Variants in C2CD4B observed in about 807,000 individuals in gnomAD.
C2CD4B encodes the protein C2 calcium-dependent domain-containing protein 4B.
For synonymous variants in C2CD4B, 347 were observed against 284.9 expected (o/e 1.22, Z -2.20); for missense variants, 644 against 577.7 (o/e 1.11, Z -1.18).
At position 62,165,043 on chromosome 15, in the gene C2CD4B, G is replaced by T. The variant is rs1476272709; in HGVS notation, c.-40-19C>A. ...GGTGCGCCTGCGGGGGAGAGAAGCT[G>T]CTGAGTTTGGGCGCCTGGAGCTGCT... is the stretch of plus-strand genomic sequence containing the variant. On this transcript the variant is annotated intron_variant, in intron 1 of 1. Transcript: ENST00000380392. 2 of 1,452,274 alleles carry T rather than the reference G, an allele frequency of 1.4e-6. No homozygotes were observed. Among genetic ancestry groups the T allele is most frequent in the African/African-American group, 1.5e-5 (1 of 67,776 alleles). 90.0% of individuals were successfully genotyped at this position (1,452,274 alleles called of 1,614,324 possible). A position where few individuals can be genotyped will look rare whatever the true frequency, so the allele number is the denominator to read the frequency against.
At position 62,163,568 on chromosome 15, in the gene C2CD4B, CTG is replaced by C. The variant is rs959850041; in HGVS notation, c.*320_*321del. 33 of 300,546 alleles carry C rather than the reference CTG, an allele frequency of 1.1e-4. No individual in the cohort carries two copies. Among genetic ancestry groups the C allele is most frequent in the Middle Eastern group, 8.8e-4 (1 of 1,138 alleles). 18.6% of individuals were successfully genotyped at this position (300,546 alleles called of 1,614,324 possible). On this transcript the variant is annotated 3_prime_UTR_variant, in exon 2 of 2. Transcript: ENST00000380392. ...AATAACTTGCTTTATTAAAAAAAAA[CTG>C]TAACATTGATAGAAAACCGGAAGGA...
Position 62,164,136 on chromosome 15 carries a change from G to GC in C2CD4B, c.848dup (p.Ala284ArgfsTer33). 6.9e-7 allele frequency: 1 copy of GC among 1,459,688 alleles called. No homozygotes were observed. The allele number at this position is 1,459,688 out of a possible 1,614,324, so 90.4% of individuals were successfully genotyped here. On this transcript the variant is annotated frameshift_variant, in exon 2 of 2. Coordinates refer to ENST00000380392, the MANE Select transcript of C2CD4B (RefSeq NM_001007595.3). LOFTEE classifies it low-confidence loss of function (END_TRUNC). ...CGAGGCTGAGGCGGCAGCGGACGGCGCGGGGCCCGGGGGCGCCTCCGAACA... is the reference window on the plus strand; with the variant it reads ...CGAGGCTGAGGCGGCAGCGGACGGCGCCGGGGCCCGGGGGCGCCTCCGAACA...
At position 62,164,196 on chromosome 15, in the gene C2CD4B, C is replaced by G. The variant is rs895479004; in HGVS notation, c.789G>C (p.Arg263=). ...CGCGGAGCAGCCGGAGGCGGAGACG[C>G]CGGGTTCCCGGACAGTACTCAGCAG... ...RLAAEYCPGT[R]RLRLRLLRAE... is the part of the protein sequence containing the mutation. The change falls in exon 2 of 2, where the codon CGG becomes CGC. Residue 263 remains arginine, a synonymous_variant. Transcript: ENST00000380392. 6.8e-7 allele frequency: 1 copy of G among 1,478,120 alleles called. No homozygotes were observed. The highest frequency in any genetic ancestry group is 8.9e-7 in the Non-Finnish European group (1 of 1,123,356). The allele number at this position is 1,478,120 out of a possible 1,614,324, so 91.6% of individuals were successfully genotyped here.
rs999454937 is a variant in C2CD4B, at chr15:62,164,859, A to C, written c.126T>G (p.Pro42=). ...EFCIPPRLPA[P]CTLESPIRAA... ...CCCGGATTGGAGACTCGAGCGTGCA[A>C]GGGGCCGGCAGCCGCGGCGGGATGC... Residue 42 remains proline (P), a synonymous_variant, in exon 2 of 2, where the codon CCT becomes CCG. Coordinates refer to ENST00000380392, the MANE Select transcript of C2CD4B (RefSeq NM_001007595.3). 1.3e-6 allele frequency: 2 copies of C among 1,498,474 alleles called. No homozygotes were observed. The highest frequency in any genetic ancestry group is 2.9e-5 in the African/African-American group (2 of 69,794). 92.8% of individuals were successfully genotyped at this position (1,498,474 alleles called of 1,614,324 possible).
Position 62,164,763 on chromosome 15 carries a change from G to C in C2CD4B, c.222C>G (p.Gly74=), listed in dbSNP as rs887214186. The change falls in exon 2 of 2, where the codon GGC becomes GGG. Residue 74 remains glycine, a synonymous_variant. Coordinates refer to ENST00000380392, the MANE Select transcript of C2CD4B (RefSeq NM_001007595.3). Reference sequence around the variant, plus strand: ...GCGAGCGCGGGTCCCAGTCCGTGCGGCCGGCGTCCTCGTCTGCCGCGCGGG... The same window carrying C: ...GCGAGCGCGGGTCCCAGTCCGTGCGCCCGGCGTCCTCGTCTGCCGCGCGGG... ...LWPRAADEDA[G]RTDWDPRSQA... is the part of the protein sequence containing the mutation. 2.0e-6 allele frequency: 3 copies of C among 1,484,446 alleles called. No individual in the cohort carries two copies. The highest frequency in any genetic ancestry group is 2.9e-5 in the African/African-American group (2 of 68,144). 92.0% of individuals were successfully genotyped at this position (1,484,446 alleles called of 1,614,324 possible).
At position 62,164,035 on chromosome 15, in the gene C2CD4B, T is replaced by G. The variant is rs746870963; in HGVS notation, c.950A>C (p.Gln317Pro). The G allele has an allele frequency of 4.4e-6, 7 of 1,599,336 alleles. 1 individual carries two copies. In the South Asian group the frequency reaches 7.9e-5, roughly 18 times the overall value. Residue 317 changes from glutamine to proline, a missense_variant, in exon 2 of 2, where the codon CAG (glutamine) becomes CCG (proline). Physicochemically the swap from Gln to Pro is moderately conservative, Grantham distance 76. Coordinates refer to ENST00000380392, the MANE Select transcript of C2CD4B (RefSeq NM_001007595.3). ...VGRSRKASFD[Q>P]DFCFDGLSED... ...CGAGAGGCCGTCGAAGCAAAAGTCC[T>G]GGTCAAAGGAGGCCTTGCGGCTGCG...
Position 62,164,157 on chromosome 15 carries a change from G to C in C2CD4B, c.828C>G (p.Phe276Leu), listed in dbSNP as rs752594468. The C allele has an allele frequency of 1.2e-5, 17 of 1,464,722 alleles. No individual in the cohort carries two copies. The South Asian group carries it at 1.7e-4, about 15-fold the overall frequency. 90.7% of individuals were successfully genotyped at this position (1,464,722 alleles called of 1,614,324 possible). A position where few individuals can be genotyped will look rare whatever the true frequency, so the allele number is the denominator to read the frequency against. ...RLRLLRAESLFGGAPGPRAVR... is the reference protein window; with the variant it reads ...RLRLLRAESLLGGAPGPRAVR... ...CGGCGCGGGGCCCGGGGGCGCCTCCGAACAGGCTCTCCGCGCGGAGCAGCC... is the reference window on the plus strand; with the variant it reads ...CGGCGCGGGGCCCGGGGGCGCCTCCCAACAGGCTCTCCGCGCGGAGCAGCC... The change falls in exon 2 of 2, where the codon TTC (phenylalanine) becomes TTG (leucine). Residue 276 changes from phenylalanine to leucine, a missense_variant. By Grantham distance (22) the Phe-to-Leu change is conservative. Transcript: ENST00000380392.
chr15:62,163,614 G>A lies in C2CD4B; in HGVS notation c.*276C>T, dbSNP rs1192995232. 2 of 384,580 alleles carry A rather than the reference G, an allele frequency of 5.2e-6. No individual in the cohort carries two copies. The highest frequency in any genetic ancestry group is 4.1e-5 in the African/African-American group (2 of 48,344). The allele number at this position is 384,580 out of a possible 1,614,324, so 23.8% of individuals were successfully genotyped here. ...GGAAGGAATTAAAAACAATGCAGAT[G>A]GGTGTACTTCCTTTCTCTCCCAGTC... On this transcript the variant is annotated 3_prime_UTR_variant, in exon 2 of 2. Transcript: ENST00000380392.
At position 62,163,892 on chromosome 15, in the gene C2CD4B, A is replaced by C; in HGVS notation, c.1093T>G (p.Ter365GlyextTer111). ...GCGCCCCGGGGAGGGCTGGGCCCTC[A>C]GAGCAGCAGGAGGGCGCCCAGGGAC... ...ELSLGALLLL[*>G] Residue 365 changes from the stop codon to glycine, a stop_lost, in exon 2 of 2, where the codon TGA becomes GGA. Transcript: ENST00000380392. The C allele has an allele frequency of 2.0e-6, 3 of 1,506,078 alleles. No homozygotes were observed. The South Asian group carries it at 3.9e-5, about 19-fold the overall frequency. 93.3% of individuals were successfully genotyped at this position (1,506,078 alleles called of 1,614,324 possible). A position where few individuals can be genotyped will look rare whatever the true frequency, so the allele number is the denominator to read the frequency against.
chr15:62,163,852 A>G lies in C2CD4B; in HGVS notation c.*38T>C. On this transcript the variant is annotated 3_prime_UTR_variant, in exon 2 of 2. Transcript: ENST00000380392. Reference sequence around the variant, plus strand: ...GTACCACGCGGCTGTCAGTGTCCGGAGTCTCCAGGGCAGAGCGCCCCGGGG... The same window carrying G: ...GTACCACGCGGCTGTCAGTGTCCGGGGTCTCCAGGGCAGAGCGCCCCGGGG... 7.0e-7 allele frequency: 1 copy of G among 1,423,942 alleles called. No homozygotes were observed. The highest frequency in any genetic ancestry group is 1.5e-5 in the South Asian group (1 of 65,870). 88.2% of individuals were successfully genotyped at this position (1,423,942 alleles called of 1,614,324 possible).
At position 62,164,489 on chromosome 15, in the gene C2CD4B, C is replaced by G; in HGVS notation, c.496G>C (p.Ala166Pro). 8.1e-7 allele frequency: 1 copy of G among 1,235,600 alleles called. No homozygotes were observed. Among genetic ancestry groups the G allele is most frequent in the Non-Finnish European group, 1.0e-6 (1 of 992,988 alleles). The allele number at this position is 1,235,600 out of a possible 1,614,324, so 76.5% of individuals were successfully genotyped here. The change falls in exon 2 of 2, where the codon GCG (alanine) becomes CCG (proline). Residue 166 changes from alanine to proline, a missense_variant. By Grantham distance (27) the Ala-to-Pro change is conservative (BLOSUM62 -1). Coordinates refer to ENST00000380392, the MANE Select transcript of C2CD4B (RefSeq NM_001007595.3). ...CAGCGGCGGGGCCCCGCAGCGAGCG[C>G]GTCCTGGGGCAGGCGGGGACCGCCG... is the stretch of plus-strand genomic sequence containing the variant. ...APGGPRLPQD[A>P]LAAGPRRCRL...
intron 1 of C2CD4B, 42 bp from the exon 2 acceptor site, chr15:62,165,066 G>C: frequency 7.1e-7 from 1 of 1,418,056 alleles, no homozygotes; most frequent in Non-Finnish European, 9.2e-7. Context: ...GCCTGGAGCT[G>C]CTGCAGCCCC....
chr15:62,164,452 C>G lies in C2CD4B; in HGVS notation c.533G>C (p.Arg178Pro). Residue 178 changes from arginine (R) to proline (P), a missense_variant, in exon 2 of 2, where the codon CGC (arginine) becomes CCC (proline). By Grantham distance (103) the Arg-to-Pro change is moderately radical (BLOSUM62 -2). Transcript: ENST00000380392. ...AAGPRRCRLLRVPDGLLSRAL... is the reference protein window; with the variant it reads ...AAGPRRCRLLPVPDGLLSRAL... ...GCGACTCAGCAGCCCGTCGGGGACGCGCAGGAGGCGGCAGCGGCGGGGCCC... is the reference window on the plus strand; with the variant it reads ...GCGACTCAGCAGCCCGTCGGGGACGGGCAGGAGGCGGCAGCGGCGGGGCCC... 1 of 1,300,428 alleles carries G rather than the reference C, an allele frequency of 7.7e-7. No homozygotes were observed. The highest frequency in any genetic ancestry group is 9.7e-7 in the Non-Finnish European group (1 of 1,030,438). The allele number at this position is 1,300,428 out of a possible 1,614,324, so 80.6% of individuals were successfully genotyped here. A position where few individuals can be genotyped will look rare whatever the true frequency, so the allele number is the denominator to read the frequency against.
rs1025650029 is a variant in C2CD4B at position 62,164,476 on chromosome 15, C to A, written c.509G>T (p.Gly170Val). Residue 170 changes from glycine (G) to valine (V), a missense_variant, in exon 2 of 2, where the codon GGG becomes GTG. Coordinates refer to ENST00000380392, the MANE Select transcript of C2CD4B (RefSeq NM_001007595.3). ...PRLPQDALAAGPRRCRLLRVP... is the reference protein window; with the variant it reads ...PRLPQDALAAVPRRCRLLRVP... The stretch of plus-strand genomic sequence containing the variant: ...GCGCAGGAGGCGGCAGCGGCGGGGC[C>A]CCGCAGCGAGCGCGTCCTGGGGCAG... 3.9e-5 allele frequency: 49 copies of A among 1,265,318 alleles called. No individual in the cohort carries two copies. Among genetic ancestry groups the A allele is most frequent in the Non-Finnish European group, 3.6e-5 (36 of 1,010,914 alleles). The allele number at this position is 1,265,318 out of a possible 1,614,324, so 78.4% of individuals were successfully genotyped here. A position where few individuals can be genotyped will look rare whatever the true frequency, so the allele number is the denominator to read the frequency against.
In C2CD4B at chr15:62,163,561, A is replaced by C. The variant is rs1567180266; in HGVS notation, c.*329T>G. The C allele has an allele frequency of 5.5e-5, 16 of 288,838 alleles. No individual in the cohort carries two copies. The East Asian group carries it at 9.2e-4, about 17-fold the overall frequency. 17.9% of individuals were successfully genotyped at this position (288,838 alleles called of 1,614,324 possible). A position where few individuals can be genotyped will look rare whatever the true frequency, so the allele number is the denominator to read the frequency against. ...CTGAATGAATAACTTGCTTTATTAA[A>C]AAAAAACTGTAACATTGATAGAAAA... On this transcript the variant is annotated 3_prime_UTR_variant, in exon 2 of 2. Coordinates refer to ENST00000380392, the MANE Select transcript of C2CD4B (RefSeq NM_001007595.3).
Position 62,163,700 on chromosome 15 carries a change from T to C in C2CD4B, c.*190A>G, listed in dbSNP as rs2049575076. On this transcript the variant is annotated 3_prime_UTR_variant, in exon 2 of 2. Coordinates refer to ENST00000380392, the MANE Select transcript of C2CD4B (RefSeq NM_001007595.3). ...GGTCTGGAAAGAGATATGGGGGTCC[T>C]GTGAACAGAACAGGGAGTCATTATC... 1.2e-6 allele frequency: 1 copy of C among 812,866 alleles called. No homozygotes were observed. The highest frequency in any genetic ancestry group is 1.7e-6 in the Non-Finnish European group (1 of 600,138). 50.4% of individuals were successfully genotyped at this position (812,866 alleles called of 1,614,324 possible).
Position 62,164,511 on chromosome 15 carries a change from G to A in C2CD4B, c.474C>T (p.Gly158=), listed in dbSNP as rs2049590238. Residue 158 remains glycine, a synonymous_variant, in exon 2 of 2, where the codon GGC becomes GGT. Transcript: ENST00000380392. ...GCGCGTCCTGGGGCAGGCGGGGACC[G>A]CCGGGGGCCGCGGGGGTGGCCGGGC... is the stretch of plus-strand genomic sequence containing the variant. The part of the protein sequence containing the change: ...GPGPATPAAP[G]GPRLPQDALA... The A allele has an allele frequency of 8.5e-7, 1 of 1,181,344 alleles. No homozygotes were observed. The highest frequency in any genetic ancestry group is 1.0e-6 in the Non-Finnish European group (1 of 957,322). 73.2% of individuals were successfully genotyped at this position (1,181,344 alleles called of 1,614,324 possible).
rs200511558 is a variant in C2CD4B, at chr15:62,164,015, G to A, written c.970C>T (p.Leu324Phe). 8.1e-5 allele frequency: 130 copies of A among 1,601,572 alleles called. No homozygotes were observed. Among genetic ancestry groups the A allele is most frequent in the Non-Finnish European group, 1.1e-4 (125 of 1,176,376 alleles). The part of the protein sequence containing the change: ...SFDQDFCFDG[L>F]SEDEVRRLAV... ...AGGCGGCGCACCTCGTCTTCCGAGA[G>A]GCCGTCGAAGCAAAAGTCCTGGTCA... Residue 324 changes from leucine to phenylalanine, a missense_variant, in exon 2 of 2, where the codon CTC becomes TTC. Physicochemically the swap from Leu to Phe is conservative, Grantham distance 22. Transcript: ENST00000380392.
At position 62,164,763 on chromosome 15, in the gene C2CD4B, G is replaced by A. The variant is rs887214186; in HGVS notation, c.222C>T (p.Gly74=). 1 of 1,484,550 alleles carries A rather than the reference G, an allele frequency of 6.7e-7. No individual in the cohort carries two copies. The highest frequency in any genetic ancestry group is 8.9e-7 in the Non-Finnish European group (1 of 1,127,796). 92.0% of individuals were successfully genotyped at this position (1,484,550 alleles called of 1,614,324 possible). A position where few individuals can be genotyped will look rare whatever the true frequency, so the allele number is the denominator to read the frequency against. ...GCGAGCGCGGGTCCCAGTCCGTGCG[G>A]CCGGCGTCCTCGTCTGCCGCGCGGG... ...LWPRAADEDA[G]RTDWDPRSQA... Residue 74 remains glycine (G), a synonymous_variant, in exon 2 of 2, where the codon GGC becomes GGT. Coordinates refer to ENST00000380392, the MANE Select transcript of C2CD4B (RefSeq NM_001007595.3).
Sources: gnomAD v4.1 joint callset for allele counts on GRCh38, gnomAD v4.1.1 for gene constraint, MANE v1.5 for transcripts, NCBI Gene and HGNC (gene_info 2026-07-23, HGNC 2026-07-21) for gene names.